Variants in ARHGEF28 observed in about 807,000 individuals in gnomAD.
The protein encoded by ARHGEF28 is 190 kDa guanine nucleotide exchange factor.
Under a neutral mutation model 206.6 loss-of-function variants are expected in ARHGEF28, and 152 were observed. That is an observed-to-expected ratio of 0.74 (90% CI 0.64 to 0.84). The LOEUF (loss-of-function observed/expected upper bound fraction) is 0.84, where lower values mean the gene tolerates loss of function less well. Among genes scored for constraint, ARHGEF28 ranks in the 40% least tolerant of loss-of-function variants. ARHGEF28 has a pLI of 0.00. For synonymous variants in ARHGEF28, 763 were observed against 776.4 expected (o/e 0.98, Z 0.29); for missense variants, 2,028 against 2,073.2 (o/e 0.98, Z 0.42).
chr5:73,868,310 A>T (rs1028362450), intron 20 of ARHGEF28, 83 bp downstream of exon 20: 4 of 1,424,104 alleles, frequency 2.8e-6, no homozygotes, highest in Non-Finnish European at 3.7e-6. Flanking sequence ...ATAAGATTGA[A>T]GCATTTTTTT....
At chr5:73,870,600 A>G (rs2112638815) in intron 21 of ARHGEF28, among the ~76,000 whole-genome samples, 1 of 152,286 alleles carries the variant, frequency 6.6e-6, no homozygotes, top group African/African-American at 2.4e-5. Context: ...ACATATTTTA[A>G]TGTAGGGCTA....
rs1299552035 is a variant in ARHGEF28 at position 73,883,928 on chromosome 5, T to A, written c.3055+44T>A. 2.3e-6 allele frequency: 3 copies of A among 1,282,140 alleles called. No homozygotes were observed. In the African/African-American group the frequency reaches 4.6e-5, roughly 19 times the overall value. 79.4% of individuals were successfully genotyped at this position (1,282,140 alleles called of 1,614,324 possible). A position where few individuals can be genotyped will look rare whatever the true frequency, so the allele number is the denominator to read the frequency against. ...GATAAAAATTTGCCCCTCTTATTAG[T>A]TTTAAACACAGTTGAGGTGTTCTAA... On this transcript the variant is annotated intron_variant, in intron 24 of 35. Transcript: ENST00000513042.
intron 9 of ARHGEF28, among the ~76,000 whole-genome samples, chr5:73,802,539 C>T (rs1755200890): frequency 6.6e-6 from 1 of 152,164 alleles, no homozygotes; most frequent in Non-Finnish European, 1.5e-5. Context: ...AATAAACCAG[C>T]TTAGTGACTA....
chr5:73,772,628 G>A (rs1357140548), intron 4 of ARHGEF28, among the ~76,000 whole-genome samples: 1 of 152,098 alleles, frequency 6.6e-6, no homozygotes, highest in Non-Finnish European at 1.5e-5. Flanking sequence ...ATCCTCCCGC[G>A]TTGGCCTCCC....
chr5:73,742,492 A>G (rs192796746), intron 2 of ARHGEF28, among the ~76,000 whole-genome samples: 1 of 151,972 alleles, frequency 6.6e-6, no homozygotes, highest in African/African-American at 2.4e-5. Context: ...GCTACTCTCA[A>G]GTCAAAATAT....
intron 31 of ARHGEF28, 169 bp downstream of exon 31, chr5:73,901,453 T>C (rs1367794493): frequency 3.8e-6 from 2 of 521,268 alleles, no homozygotes; most frequent in African/African-American, 3.9e-5. Context: ...CTTCTTCAAA[T>C]GTGCTTGCAC....
intron 1 of ARHGEF28, among the ~76,000 whole-genome samples, chr5:73,655,255 G>A (rs1745112597): frequency 6.6e-6 from 1 of 152,150 alleles, no homozygotes; most frequent in Admixed American, 6.6e-5. Context: ...TAGGAGTTTG[G>A]CCTAACTATG....
chr5:73,690,553 C>G (rs1007649185), intron 2 of ARHGEF28, among the ~76,000 whole-genome samples: 11 of 129,712 alleles, frequency 8.5e-5, no homozygotes, highest in African/African-American at 3.6e-4. Context: ...AAAAAAAAAG[C>G]CACGTGTGGT....
intron 4 of ARHGEF28, among the ~76,000 whole-genome samples, chr5:73,760,990 G>T (rs959052214): frequency 6.6e-6 from 1 of 152,176 alleles, no homozygotes; most frequent in Admixed American, 6.5e-5. Context: ...GAAATAGAAC[G>T]TAGAGTTGGA....
At chr5:73,876,229 A>G (rs1335465166) in intron 22 of ARHGEF28, among the ~76,000 whole-genome samples, 20 of 128,912 alleles carry the variant, frequency 1.6e-4, no homozygotes, top group South Asian at 2.5e-4. Context: ...TTTGTCTGTT[A>G]TTGGTGTATA....
chr5:73,752,202 G>A (rs1752051508), intron 3 of ARHGEF28, among the ~76,000 whole-genome samples: 1 of 152,144 alleles, frequency 6.6e-6, no homozygotes, highest in Non-Finnish European at 1.5e-5. Flanking sequence ...CTGGGTAAGA[G>A]CTTCCCAGCT....
chr5:73,928,398 A>G lies in ARHGEF28; in HGVS notation c.4949-12446A>G, dbSNP rs924775843. 2.0e-5 allele frequency among the ~76,000 whole-genome samples: 3 copies of G among 152,206 alleles called. No individual in the cohort carries two copies. The South Asian group carries it at 6.2e-4, about 31-fold the overall frequency. The stretch of plus-strand genomic sequence containing the variant: ...GCCACTGCACTCCAGCCTGGGTGAC[A>G]TAGTCCTACTCTTTCTCAAAAAACA... On this transcript the variant is annotated intron_variant, in intron 35 of 35. Transcript: ENST00000513042.
At chr5:73,802,084 C>A (rs1755170877) in intron 9 of ARHGEF28, among the ~76,000 whole-genome samples, 1 of 152,096 alleles carries the variant, frequency 6.6e-6, no homozygotes, top group South Asian at 2.1e-4. Context: ...AATGAAAGTC[C>A]ATTTGTATTA....
chr5:73,701,386 C>T (rs1748588616), intron 2 of ARHGEF28, among the ~76,000 whole-genome samples: 2 of 152,078 alleles, frequency 1.3e-5, no homozygotes. Context: ...AAGGTGATAT[C>T]TGACACATTG....
At position 73,846,304 on chromosome 5, in the gene ARHGEF28, G is replaced by A. The variant is rs776942247; in HGVS notation, c.1464G>A (p.Gly488=). Residue 488 remains glycine (G), a synonymous_variant, in exon 12 of 36, where the codon GGG becomes GGA. Transcript: ENST00000513042. ...ATGCCTTGGACGCCGACAGTGAAGG[G>A]GAAGGGCATTCTGAGCCATCCCACA... ...SLDALDADSE[G]EGHSEPSHIC... is the part of the protein sequence containing the mutation. The A allele has an allele frequency of 1.2e-6, 2 of 1,613,576 alleles. No individual in the cohort carries two copies. Among genetic ancestry groups the A allele is most frequent in the Non-Finnish European group, 8.5e-7 (1 of 1,179,732 alleles).
intron 2 of ARHGEF28, among the ~76,000 whole-genome samples, chr5:73,700,606 A>G (rs991478294): frequency 6.6e-6 from 1 of 152,194 alleles, no homozygotes; most frequent in African/African-American, 2.4e-5. Flanking sequence ...ATCGTATATT[A>G]CAAAAGAGCT....
intron 33 of ARHGEF28, among the ~76,000 whole-genome samples, chr5:73,906,756 A>G (rs1378866551): frequency 1.3e-5 from 2 of 151,778 alleles, no homozygotes; most frequent in African/African-American, 4.8e-5. Context: ...AAGTTTATTC[A>G]TATGTCTCTT....
intron 6 of ARHGEF28, among the ~76,000 whole-genome samples, chr5:73,779,601 C>T (rs1753721594): frequency 6.6e-6 from 1 of 152,118 alleles, no homozygotes; most frequent in Non-Finnish European, 1.5e-5. Context: ...ACACATGGGG[C>T]AGGTGGCTGG....
At chr5:73,893,391 G>A (rs1415178442) in intron 28 of ARHGEF28, 103 bp downstream of exon 28, 1 of 870,086 alleles carries the variant, frequency 1.1e-6, no homozygotes, top group Non-Finnish European at 1.6e-6. Context: ...GATTCATCCT[G>A]TGCACCTGAG....
Sources: allele counts gnomAD v4.1 joint callset (sites outside exome capture counted in the v4.1 genomes callset), GRCh38; gene constraint gnomAD v4.1.1; transcripts MANE v1.5; gene names NCBI Gene and HGNC (gene_info 2026-07-23, HGNC 2026-07-21).